Variants in NALCN observed in about 807,000 individuals in gnomAD.
The protein encoded by NALCN is sodium leak channel NALCN.
In NALCN, 111 loss-of-function variants were observed where a neutral mutation model predicts 225.3. That is an observed-to-expected ratio of 0.49 (90% confidence interval 0.42 to 0.58). The LOEUF is 0.58. Among genes scored for constraint, NALCN ranks in the 20% least tolerant of loss-of-function variants. The probability of loss-of-function intolerance (pLI) is 0.00; values close to 1 mark genes in which losing one functional copy is unlikely to be tolerated. For synonymous variants in NALCN, 764 were observed against 769.0 expected (o/e 0.99, Z 0.11); for missense variants, 1,378 against 2,202.4 (o/e 0.63, Z 7.49).
At chr13:101,317,470 C>T (rs1465630639) in intron 7 of NALCN, among the ~76,000 whole-genome samples, 2 of 152,166 alleles carry the variant, frequency 1.3e-5, no homozygotes, top group South Asian at 2.1e-4. Context: ...ACTTCTCCCT[C>T]GTAAGCATCA....
intron 1 of NALCN, among the ~76,000 whole-genome samples, chr13:101,407,934 G>T (rs1050999923): frequency 1.3e-5 from 2 of 152,210 alleles, no homozygotes; most frequent in African/African-American, 4.8e-5. Context: ...GGTTTATTAA[G>T]TGTGAGGCTA....
chr13:101,091,636 G>A (rs1024656996), intron 28 of NALCN, among the ~76,000 whole-genome samples: 7 of 152,126 alleles, frequency 4.6e-5, no homozygotes, highest in African/African-American at 1.2e-4. Flanking sequence ...CCTTTGGGAT[G>A]TTTCCACTAA....
At chr13:101,074,708 GA>G in intron 35 of NALCN, 46 bp from the exon 36 acceptor site, 1 of 1,522,618 alleles carries the variant, frequency 6.6e-7, no homozygotes. Context: ...GAGAGAGAGA[GA>G]GAGACAGAGA....
Position 101,124,673 on chromosome 13 carries a change from C to T in NALCN, c.2127G>A (p.Lys709=), listed in dbSNP as rs2036147249. The T allele has an allele frequency of 6.2e-7, 1 of 1,613,854 alleles. No homozygotes were observed. Among genetic ancestry groups the T allele is most frequent in the Non-Finnish European group, 8.5e-7 (1 of 1,179,932 alleles). ...TCCTTGCCCTGATGCTGAAAACAGA[C>T]TTGCGAAGCTGAAAATGATAAGAGT... ...DNKYIDQKLR[K]SVFSIRARNL... Residue 709 remains lysine, a synonymous_variant, in exon 18 of 44, where the codon AAG becomes AAA. Transcript: ENST00000251127.
intron 18 of NALCN, among the ~76,000 whole-genome samples, chr13:101,114,207 T>C (rs1338111511): frequency 6.6e-6 from 1 of 152,220 alleles, no homozygotes; most frequent in East Asian, 1.9e-4. Context: ...ACAGGTGATG[T>C]GCTTTCTCTA....
chr13:101,107,176 T>C (rs1352128030), intron 22 of NALCN, among the ~76,000 whole-genome samples: 2 of 152,234 alleles, frequency 1.3e-5, no homozygotes, highest in African/African-American at 4.8e-5. Context: ...TCTCCTTTTG[T>C]CTCAGTACTT....
intron 30 of NALCN, among the ~76,000 whole-genome samples, chr13:101,086,855 T>C (rs2033957817): frequency 6.6e-6 from 1 of 152,168 alleles, no homozygotes. Flanking sequence ...CCAATAATAG[T>C]GTTTGTTTAA....
chr13:101,111,769 G>A (rs530412519), intron 18 of NALCN, among the ~76,000 whole-genome samples: 5 of 152,160 alleles, frequency 3.3e-5, no homozygotes, highest in Non-Finnish European at 5.9e-5. Context: ...TATAAGACGT[G>A]CCTTTCACCG....
chr13:101,147,736 C>CT (rs1442162791), intron 15 of NALCN, among the ~76,000 whole-genome samples: 1 of 151,720 alleles, frequency 6.6e-6, no homozygotes, highest in Admixed American at 6.6e-5. Flanking sequence ...GCTCAGAGGC[C>CT]TTTTTTTGGC....
chr13:101,364,654 A>T (rs1239930521), intron 6 of NALCN, among the ~76,000 whole-genome samples: 1 of 152,008 alleles, frequency 6.6e-6, no homozygotes. Context: ...AATAAATAAG[A>T]CCTAAGCATT....
At chr13:101,202,386 CTTA>C (rs2040156931) in intron 13 of NALCN, among the ~76,000 whole-genome samples, 1 of 152,144 alleles carries the variant, frequency 6.6e-6, no homozygotes, top group South Asian at 2.1e-4. Context: ...GAAGCCACAA[CTTA>C]CTATGGCTAA....
intron 7 of NALCN, among the ~76,000 whole-genome samples, chr13:101,318,261 C>G (rs1404832832): frequency 6.6e-6 from 1 of 152,112 alleles, no homozygotes; most frequent in Non-Finnish European, 1.5e-5. Context: ...AGGTGGGGAG[C>G]AGTGCGGGGT....
rs555946031 is a variant in NALCN at position 101,121,166 on chromosome 13, G to T, written c.2192+3442C>A. Among the ~76,000 whole-genome samples the T allele has an allele frequency of 5.3e-5, 8 of 151,586 alleles. No individual in the cohort carries two copies. In the South Asian group the frequency reaches 1.5e-3, roughly 28 times the overall value. ...GCAGAGCCTGATCCCAGCCAGGGGG[G>T]ATTTAACACCAAGTCCAGTATCCTA... On this transcript the variant is annotated intron_variant, in intron 18 of 43. Transcript: ENST00000251127.
At chr13:101,151,135 C>T (rs1594315358) in intron 15 of NALCN, among the ~76,000 whole-genome samples, 1 of 152,242 alleles carries the variant, frequency 6.6e-6, no homozygotes, top group Non-Finnish European at 1.5e-5. Flanking sequence ...TATTCTACGG[C>T]TCAGCATCTG....
intron 37 of NALCN, among the ~76,000 whole-genome samples, chr13:101,071,435 C>T (rs567293543): frequency 1.3e-5 from 2 of 152,232 alleles, no homozygotes; most frequent in East Asian, 3.8e-4. Flanking sequence ...TAACTTGCCA[C>T]AGCTTTTATA....
At chr13:101,238,703 T>C (rs1015172601) in intron 11 of NALCN, among the ~76,000 whole-genome samples, 1 of 151,984 alleles carries the variant, frequency 6.6e-6, no homozygotes, top group Non-Finnish European at 1.5e-5. Flanking sequence ...TTAAAGACTA[T>C]GAGGGTGACT....
chr13:101,128,069 C>T (rs770527310), intron 17 of NALCN, among the ~76,000 whole-genome samples: 1 of 151,892 alleles, frequency 6.6e-6, no homozygotes, highest in South Asian at 2.1e-4. Context: ...ATGAAAGGAG[C>T]CAGTAATTGC....
At chr13:101,135,140 A>C (rs2036717333) in intron 17 of NALCN, among the ~76,000 whole-genome samples, 2 of 152,202 alleles carry the variant, frequency 1.3e-5, no homozygotes, top group African/African-American at 2.4e-5. Context: ...GCTTGCAGTG[A>C]GCCGAGATCG....
intron 26 of NALCN, among the ~76,000 whole-genome samples, chr13:101,101,867 G>A (rs1413404718): frequency 6.6e-6 from 1 of 152,032 alleles, no homozygotes; most frequent in Admixed American, 6.6e-5. Flanking sequence ...ACCACCATTA[G>A]GGAAAGGCAC....
Sources: allele counts gnomAD v4.1 joint callset (sites outside exome capture counted in the v4.1 genomes callset), GRCh38; gene constraint gnomAD v4.1.1; transcripts MANE v1.5; gene names NCBI Gene and HGNC (gene_info 2026-07-23, HGNC 2026-07-21).